Variants in IL19 observed in about 807,000 individuals in gnomAD.
IL19 encodes the protein interleukin-19.
In IL19, 15 loss-of-function variants were observed where a neutral mutation model predicts 19.5. That is an observed-to-expected ratio of 0.77 (90% CI 0.52 to 1.19). IL19 has a LOEUF of 1.19. Ranked by LOEUF, IL19 falls within the 50% of genes most tolerant of loss-of-function variation. The pLI is 0.00. For missense variants in IL19, 199 were observed against 213.1 expected (o/e 0.93, Z 0.41); for synonymous variants, 78 against 78.3 (o/e 1.00, Z 0.02).
At chr1:206,779,862 T>C (rs1015052667) in intron 1 of IL19, among the ~76,000 whole-genome samples, 1 of 152,040 alleles carries the variant, frequency 6.6e-6, no homozygotes, top group Non-Finnish European at 1.5e-5. Context: ...CTCTCTTTTT[T>C]TTTTTTTAAA....
intron 2 of IL19, chr1:206,833,750 G>A (rs1676689495): frequency 1.0e-6 from 1 of 985,518 alleles, no homozygotes. Context: ...TCAAGAATGA[G>A]AGAACCCTCC....
chr1:206,795,551 T>C (rs902833316), intron 1 of IL19, among the ~76,000 whole-genome samples: 1 of 152,164 alleles, frequency 6.6e-6, no homozygotes, highest in Non-Finnish European at 1.5e-5. Flanking sequence ...CCCACACCTT[T>C]AGGATTGTGA....
intron 2 of IL19, among the ~76,000 whole-genome samples, chr1:206,824,179 G>C (rs896913548): frequency 1.3e-5 from 2 of 152,222 alleles, no homozygotes; most frequent in African/African-American, 4.8e-5. Context: ...GGGGAAGGCA[G>C]GGAGGAGGCT....
intron 1 of IL19, among the ~76,000 whole-genome samples, chr1:206,779,843 GCTCT>G (rs200603022): frequency 1.8e-4 from 26 of 147,532 alleles, no homozygotes; most frequent in African/African-American, 4.3e-4. Context: ...TGATCCGCAT[GCTCT>G]CTCTCTCTCT....
intron 2 of IL19, among the ~76,000 whole-genome samples, chr1:206,822,081 G>C (rs770011794): frequency 5.3e-5 from 8 of 152,168 alleles, no homozygotes; most frequent in Non-Finnish European, 7.3e-5. Flanking sequence ...TTAATATTTG[G>C]TGCTGGGAAA....
At chr1:206,779,856 C>CTTT (rs386369445) in intron 1 of IL19, among the ~76,000 whole-genome samples, 124 of 145,578 alleles carry the variant, frequency 8.5e-4, no homozygotes, top group African/African-American at 2.4e-3. Flanking sequence ...CTCTCTCTCT[C>CTTT]TTTTTTTTTT....
chr1:206,809,121 C>A (rs1385299398), intron 2 of IL19, among the ~76,000 whole-genome samples: 3 of 152,046 alleles, frequency 2.0e-5, no homozygotes, highest in African/African-American at 7.3e-5. Flanking sequence ...ATGGGTGTTG[C>A]CCCCACTGCT....
Position 206,793,972 on chromosome 1 carries a change from TGAGTCAA to T in IL19, c.-148-4885_-148-4879del, listed in dbSNP as rs144360607. 5.5e-3 allele frequency among the ~76,000 whole-genome samples: 843 copies of T among 152,250 alleles called. 9 individuals are homozygous for T. Among genetic ancestry groups the T allele is most frequent in the African/African-American group, 0.019 (804 of 41,544 alleles). On this transcript the variant is annotated intron_variant, in intron 1 of 6. Transcript: ENST00000659997. ...GGGCTAAGGCTAGCGTTACAGCACCTGAGTCAAGAGGGCAGATCCCTAAGTTAGAGAC... is the reference window on the plus strand; with the variant it reads ...GGGCTAAGGCTAGCGTTACAGCACCTGAGGGCAGATCCCTAAGTTAGAGAC...
rs541792620 is a variant in IL19, at chr1:206,775,713, G to A, written c.-149+4635G>A. Among the ~76,000 whole-genome samples the A allele has an allele frequency of 3.3e-5, 5 of 152,346 alleles. 1 individual carries two copies. The highest frequency in any genetic ancestry group is 4.1e-4 in the South Asian group (2 of 4,828). The stretch of plus-strand genomic sequence containing the variant: ...CATCTGAAAAGTCACTGGGGTCCAC[G>A]GGGAAAAGTCCCAAGCCCATAGGTC... On this transcript the variant is annotated intron_variant, in intron 1 of 6. Transcript: ENST00000659997.
chr1:206,779,820 CT>C (rs561986797), intron 1 of IL19, among the ~76,000 whole-genome samples: 1 of 151,200 alleles, frequency 6.6e-6, no homozygotes, highest in African/African-American at 2.4e-5. Flanking sequence ...CTTTCTTCTT[CT>C]TTTTTTTCAA....
chr1:206,771,732 G>C (rs536659494), intron 1 of IL19, among the ~76,000 whole-genome samples: 1 of 152,280 alleles, frequency 6.6e-6, no homozygotes, highest in East Asian at 1.9e-4. Flanking sequence ...TCAACCCTTC[G>C]GGGCCTTGAG....
At chr1:206,841,572 G>A (rs371878190) in intron 6 of IL19, among the ~76,000 whole-genome samples, 6 of 152,358 alleles carry the variant, frequency 3.9e-5, no homozygotes, top group African/African-American at 1.4e-4. Flanking sequence ...ATCAGTTCAA[G>A]ATCTTGTTAA....
chr1:206,807,085 G>A (rs541990177), intron 2 of IL19, among the ~76,000 whole-genome samples: 2 of 152,176 alleles, frequency 1.3e-5, no homozygotes, highest in East Asian at 3.8e-4. Context: ...ATGGTGGCAG[G>A]AAGAAGTGCT....
chr1:206,834,095 A>G, intron 2 of IL19: 1 of 985,592 alleles, frequency 1.0e-6, no homozygotes, highest in Non-Finnish European at 1.2e-6. Context: ...TAGAATTGCA[A>G]AAAATTCTCA....
At chr1:206,811,625 G>A (rs899650837) in intron 2 of IL19, among the ~76,000 whole-genome samples, 3 of 152,090 alleles carry the variant, frequency 2.0e-5, no homozygotes, top group Non-Finnish European at 2.9e-5. Context: ...ATGGCCCTGA[G>A]CATAAAGTGG....
At chr1:206,789,956 T>C (rs1251877638) in intron 1 of IL19, among the ~76,000 whole-genome samples, 1 of 152,252 alleles carries the variant, frequency 6.6e-6, no homozygotes, top group African/African-American at 2.4e-5. Flanking sequence ...TAGTTCCATA[T>C]CTTTCCAATT....
intron 2 of IL19, among the ~76,000 whole-genome samples, chr1:206,835,828 C>T (rs1314181859): frequency 6.6e-5 from 10 of 152,240 alleles, no homozygotes; most frequent in Admixed American, 2.0e-4. Context: ...TTATATTTTA[C>T]GCACTTTTCT....
At chr1:206,814,253 G>GAACGGCAA (rs1676090618) in intron 2 of IL19, among the ~76,000 whole-genome samples, 1 of 152,018 alleles carries the variant, frequency 6.6e-6, no homozygotes, top group Non-Finnish European at 1.5e-5. Context: ...TATGAGCACA[G>GAACGGCAA]ATTGCAGCCA....
chr1:206,793,163 G>A (rs550281807), intron 1 of IL19, among the ~76,000 whole-genome samples: 1 of 152,308 alleles, frequency 6.6e-6, no homozygotes, highest in South Asian at 2.1e-4. Context: ...CATCCTCAGA[G>A]GTTTATACCT....
Sources: allele counts gnomAD v4.1 joint callset (sites outside exome capture counted in the v4.1 genomes callset), GRCh38; gene constraint gnomAD v4.1.1; transcripts MANE v1.5; gene names NCBI Gene and HGNC (gene_info 2026-07-23, HGNC 2026-07-21).